LRIG1: variants seen among roughly 807,000 people sequenced by gnomAD.
LRIG1 encodes leucine-rich repeats and immunoglobulin-like domains protein 1.
A neutral mutation model predicts 99.2 loss-of-function variants in LRIG1; 48 were observed. That is an observed-to-expected ratio of 0.48 (90% CI 0.38 to 0.62). LRIG1 has a LOEUF of 0.62. LRIG1 is among the 20% of genes least tolerant of loss of function. The probability of loss-of-function intolerance (pLI) is 0.00; values close to 1 mark genes in which losing one functional copy is unlikely to be tolerated. For missense variants in LRIG1, 1,646 were observed against 1,434.4 expected (o/e 1.15, Z -2.38); for synonymous variants, 772 against 596.1 (o/e 1.29, Z -4.30).
chr3:66,405,975 G>T, intron 8 of LRIG1: 1 of 994,768 alleles, frequency 1.0e-6, no homozygotes, highest in South Asian at 4.4e-5. Context: ...GTGCCCAGGC[G>T]AGACATCACA....
At chr3:66,381,048 G>C in intron 17 of LRIG1, 187 bp from the exon 18 acceptor site, 1 of 620,850 alleles carries the variant, frequency 1.6e-6, no homozygotes, top group Non-Finnish European at 2.8e-6. Flanking sequence ...AGTCACTCAT[G>C]AACTGTGGGG....
intron 3 of LRIG1, among the ~76,000 whole-genome samples, chr3:66,426,426 AG>A (rs1218541066): frequency 2.2e-4 from 34 of 152,230 alleles, no homozygotes; most frequent in African/African-American, 8.2e-4. Context: ...TGGGGTGCAG[AG>A]ACCCAGACTC....
Position 66,380,472 on chromosome 3 carries a change from AAG to A in LRIG1, c.3071_3072del (p.Thr1024IlefsTer43). ...GAGTCCGGGTGATACAACCTTGCTA[AAG>A]TCCAGGAAGAATCCCCTACAAGGAA... is the stretch of plus-strand genomic sequence containing the variant. ...SLDGKGDSSWTLARLYHPDST... is the reference protein window; with the variant it reads ...SLDGKGDSSWXLARLYHPDST... On this transcript the variant is annotated frameshift_variant, in exon 19 of 19. Transcript: ENST00000273261. LOFTEE classifies it low-confidence loss of function (END_TRUNC). 6.2e-7 allele frequency: 1 copy of A among 1,614,200 alleles called. No individual in the cohort carries two copies. The highest frequency in any genetic ancestry group is 8.5e-7 in the Non-Finnish European group (1 of 1,180,034).
rs1440479625 is a variant in LRIG1 at position 66,427,068 on chromosome 3, T to G, written c.366-9802A>C. Among the ~76,000 whole-genome samples the G allele has an allele frequency of 4.6e-5, 7 of 152,164 alleles. 1 individual carries two copies. The highest frequency in any genetic ancestry group is 4.6e-4 in the Admixed American group (7 of 15,286). Reference sequence around the variant, plus strand: ...AGTTTCACATAATCTAGCCCTAGACTGGGGGGAAAAAAAATCTAACACCCC... The same window carrying G: ...AGTTTCACATAATCTAGCCCTAGACGGGGGGGAAAAAAAATCTAACACCCC... On this transcript the variant is annotated intron_variant, in intron 3 of 18. Coordinates refer to ENST00000273261, the MANE Select transcript of LRIG1 (RefSeq NM_015541.3).
At position 66,382,433 on chromosome 3, in the gene LRIG1, C is replaced by T. The variant is rs1307923578; in HGVS notation, c.2492-35G>A. The T allele has an allele frequency of 8.7e-6, 14 of 1,613,534 alleles. No individual in the cohort carries two copies. The African/African-American group carries it at 9.3e-5, about 11-fold the overall frequency. On this transcript the variant is annotated intron_variant, in intron 15 of 18. Transcript: ENST00000273261. ...GACAGAACAAATAGAACACCAGGGT[C>T]TCAGTGACAAGAAATGCAGACACAC...
chr3:66,462,658 A>T, intron 1 of LRIG1, 149 bp from the exon 2 acceptor site: 1 of 638,820 alleles, frequency 1.6e-6, no homozygotes, highest in East Asian at 2.8e-5. Flanking sequence ...TGATACTGAG[A>T]TTTACAGACA....
intron 8 of LRIG1, chr3:66,406,295 G>T: frequency 1.0e-6 from 1 of 985,510 alleles, no homozygotes; most frequent in Non-Finnish European, 1.2e-6. Flanking sequence ...CAGGAACCAG[G>T]GACCCGGGGC....
intron 9 of LRIG1, chr3:66,401,599 G>A (rs1702058110): frequency 6.7e-7 from 1 of 1,501,580 alleles, no homozygotes; most frequent in Non-Finnish European, 8.9e-7. Flanking sequence ...AGATTAGGCA[G>A]GGTCCTTACC....
rs74664093 is a variant in LRIG1, at chr3:66,449,138, T to C, written c.365+2421A>G. 3.5e-3 allele frequency among the ~76,000 whole-genome samples: 529 copies of C among 152,338 alleles called. 7 individuals are homozygous for C. Among genetic ancestry groups the C allele is most frequent in the Non-Finnish European group, 5.2e-3 (354 of 68,030 alleles). ...TCATCCACTGCCTGCTCTGTTGTTTTCTCCCTTGTCCTTTGCACGGTCCAC... is the reference window on the plus strand; with the variant it reads ...TCATCCACTGCCTGCTCTGTTGTTTCCTCCCTTGTCCTTTGCACGGTCCAC... On this transcript the variant is annotated intron_variant, in intron 3 of 18. Coordinates refer to ENST00000273261, the MANE Select transcript of LRIG1 (RefSeq NM_015541.3).
intron 3 of LRIG1, among the ~76,000 whole-genome samples, chr3:66,429,787 GGT>G (rs35021380): frequency 0.19 from 28,701 of 148,994 alleles, 2,754 homozygotes; most frequent in Admixed American, 0.26. Context: ...AAACAGGGTG[GGT>G]GTGTGTGTGT....
chr3:66,485,659 C>T (rs545852402), intron 1 of LRIG1, among the ~76,000 whole-genome samples: 109 of 152,296 alleles, frequency 7.2e-4, no homozygotes, highest in African/African-American at 2.5e-3. Context: ...ATATAATATT[C>T]GCAGTTGCTC....
chr3:66,398,497 G>A (rs923909159), intron 10 of LRIG1, among the ~76,000 whole-genome samples: 1 of 152,210 alleles, frequency 6.6e-6, no homozygotes, highest in East Asian at 1.9e-4. Context: ...ATCCTCCCCA[G>A]ATGGCAACAG....
intron 3 of LRIG1, among the ~76,000 whole-genome samples, chr3:66,420,501 T>A (rs994693966): frequency 6.6e-6 from 1 of 152,232 alleles, no homozygotes; most frequent in African/African-American, 2.4e-5. Context: ...CAAAGAGACA[T>A]GTGTATCCTC....
At chr3:66,416,383 G>A (rs11925105) in intron 4 of LRIG1, among the ~76,000 whole-genome samples, 120,495 of 152,090 alleles carry the variant, frequency 0.79, 49,361 homozygotes, top group Non-Finnish European at 0.91. Context: ...CCAGCCTTGC[G>A]AATGCGTTCC....
Position 66,394,085 on chromosome 3 carries a change from T to C in LRIG1, c.1423A>G (p.Lys475Glu). ...TATCAHPESL[K>E]GQSIFSVPPE... ...GGCACAGAGAAAATGCTCTGACCCT[T>C]CAGTGATTCTGGGTGGGCACAGGTG... Residue 475 changes from lysine (K) to glutamate (E), a missense_variant, in exon 12 of 19, where the codon AAG (lysine) becomes GAG (glutamate). Coordinates refer to ENST00000273261, the MANE Select transcript of LRIG1 (RefSeq NM_015541.3). 1 of 1,614,072 alleles carries C rather than the reference T, an allele frequency of 6.2e-7. No individual in the cohort carries two copies. Among genetic ancestry groups the C allele is most frequent in the African/African-American group, 1.3e-5 (1 of 75,044 alleles).
intron 1 of LRIG1, among the ~76,000 whole-genome samples, chr3:66,465,269 A>G (rs1700446769): frequency 6.6e-6 from 1 of 152,042 alleles, no homozygotes; most frequent in East Asian, 1.9e-4. Flanking sequence ...AATAGTTACC[A>G]CATTCTCCCC....
At chr3:66,427,340 C>T (rs1233926704) in intron 3 of LRIG1, among the ~76,000 whole-genome samples, 2 of 152,240 alleles carry the variant, frequency 1.3e-5, no homozygotes, top group African/African-American at 4.8e-5. Flanking sequence ...CTGGAATCCA[C>T]ACAATGTGAG....
At chr3:66,491,693 C>T (rs1464569562) in intron 1 of LRIG1, among the ~76,000 whole-genome samples, 1 of 152,008 alleles carries the variant, frequency 6.6e-6, no homozygotes, top group Non-Finnish European at 1.5e-5. Flanking sequence ...AAAACCTATA[C>T]ATTTGCAGAT....
At chr3:66,434,029 T>C (rs1325956070) in intron 3 of LRIG1, among the ~76,000 whole-genome samples, 3 of 152,178 alleles carry the variant, frequency 2.0e-5, no homozygotes, top group Admixed American at 6.5e-5. Flanking sequence ...GATCTACAGG[T>C]AAAATTCTTA....
Sources: allele counts gnomAD v4.1 joint callset (sites outside exome capture counted in the v4.1 genomes callset), GRCh38; gene constraint gnomAD v4.1.1; transcripts MANE v1.5; gene names NCBI Gene and HGNC (gene_info 2026-07-23, HGNC 2026-07-21).